ITGA1: variants seen among roughly 807,000 people sequenced by gnomAD.
ITGA1 encodes the protein integrin alpha-1.
In ITGA1, 85 loss-of-function variants were observed where a neutral mutation model predicts 145.9. The ratio of observed to expected loss-of-function variants is 0.58; its 90% CI spans 0.49 to 0.70. The LOEUF (loss-of-function observed/expected upper bound fraction) is 0.70, where lower values mean the gene tolerates loss of function less well. Among genes scored for constraint, ITGA1 ranks in the 30% least tolerant of loss-of-function variants. ITGA1 has a pLI of 0.00. For synonymous variants in ITGA1, 520 were observed against 495.3 expected (o/e 1.05, Z -0.66); for missense variants, 1,351 against 1,418.7 (o/e 0.95, Z 0.77).
chr5:52,801,219 C>G, intron 1 of ITGA1: 2 of 1,273,624 alleles, frequency 1.6e-6, no homozygotes, highest in Non-Finnish European at 2.2e-6. Context: ...AAGAGAAAGT[C>G]TTTACTTAGC....
At chr5:52,800,247 A>C (rs1748435538) in intron 1 of ITGA1, 1 of 738,726 alleles carries the variant, frequency 1.4e-6, no homozygotes, top group Non-Finnish European at 2.2e-6. Context: ...CATGAGTCGA[A>C]GCAAGCGTGT....
chr5:52,811,869 G>A (rs1371668442), intron 1 of ITGA1, among the ~76,000 whole-genome samples: 3 of 152,168 alleles, frequency 2.0e-5, no homozygotes, highest in Non-Finnish European at 4.4e-5. Flanking sequence ...CATTTGGCTA[G>A]AGGTTTCTCA....
At position 52,937,303 on chromosome 5, in the gene ITGA1, A is replaced by G. The variant is rs980486529; in HGVS notation, c.2965-98A>G. ...TTTGTTTGGGGATTCAAAATATTAC[A>G]CAATTTACTTCATCAGCTAGAAAAC... On this transcript the variant is annotated intron_variant, in intron 23 of 28. Transcript: ENST00000282588. 1.8e-5 allele frequency: 14 copies of G among 780,766 alleles called. 1 individual carries two copies. In the South Asian group the frequency reaches 2.1e-4, roughly 12 times the overall value. The allele number at this position is 780,766 out of a possible 1,614,324, so 48.4% of individuals were successfully genotyped here. A position where few individuals can be genotyped will look rare whatever the true frequency, so the allele number is the denominator to read the frequency against.
intron 1 of ITGA1, among the ~76,000 whole-genome samples, chr5:52,815,097 G>C (rs915052015): frequency 1.3e-5 from 2 of 152,178 alleles, no homozygotes; most frequent in African/African-American, 4.8e-5. Flanking sequence ...AAGTATGGAA[G>C]AGGAGGAGAA....
At chr5:52,810,974 G>T (rs1748675956) in intron 1 of ITGA1, among the ~76,000 whole-genome samples, 1 of 152,104 alleles carries the variant, frequency 6.6e-6, no homozygotes, top group Non-Finnish European at 1.5e-5. Flanking sequence ...TGTTCTTCTG[G>T]ATGAATTAGA....
chr5:52,876,857 C>G (rs1222423879), intron 6 of ITGA1, among the ~76,000 whole-genome samples: 1 of 152,100 alleles, frequency 6.6e-6, no homozygotes, highest in Non-Finnish European at 1.5e-5. Context: ...TATGGGCTAT[C>G]CTGGCAACAA....
chr5:52,853,058 GTGTAAGTT>G (rs910125977), intron 2 of ITGA1, among the ~76,000 whole-genome samples: 214 of 152,260 alleles, frequency 1.4e-3, no homozygotes, highest in African/African-American at 5.0e-3. Flanking sequence ...ATTAATATGT[GTGTAAGTT>G]TGTAAGCATT....
rs141038217 is a variant in ITGA1 at position 52,837,308 on chromosome 5, G to A, written c.62-12057G>A. Among the ~76,000 whole-genome samples the A allele has an allele frequency of 3.0e-4, 45 of 152,272 alleles. No homozygotes were observed. The East Asian group carries it at 4.3e-3, about 14-fold the overall frequency. ...GTTCTAAAAGAAAATGAGAAAGAGA[G>A]GATGGGGCTGGCCACACAGTGTCTC... is the stretch of plus-strand genomic sequence containing the variant. On this transcript the variant is annotated intron_variant, in intron 1 of 28. Transcript: ENST00000282588.
chr5:52,937,487 G>T lies in ITGA1; in HGVS notation c.3051G>T (p.Leu1017=), dbSNP rs775711684. 6.2e-7 allele frequency: 1 copy of T among 1,610,420 alleles called. No individual in the cohort carries two copies. Among genetic ancestry groups the T allele is most frequent in the Non-Finnish European group, 8.5e-7 (1 of 1,176,764 alleles). ...PNMTSNGYPV[L]YPTGLSSSEN... is the part of the protein sequence containing the mutation. ...TGACATCAAATGGTTACCCTGTGCT[G>T]TACCCAACTGGATTGTCATCTTCTG... The change falls in exon 24 of 29, where the codon CTG becomes CTT. Residue 1017 remains leucine, a synonymous_variant. Transcript: ENST00000282588.
chr5:52,808,676 C>CTTTTTTTT (rs60113844), intron 1 of ITGA1, among the ~76,000 whole-genome samples: 271 of 69,328 alleles, frequency 3.9e-3, no homozygotes, highest in East Asian at 5.5e-3. Context: ...TTCTTTCTTT[C>CTTTTTTTT]TTTTTTTTTT....
At chr5:52,886,946 T>C (rs941924205) in intron 7 of ITGA1, among the ~76,000 whole-genome samples, 15 of 152,264 alleles carry the variant, frequency 9.9e-5, no homozygotes, top group African/African-American at 3.6e-4. Context: ...ACCCGGCTAA[T>C]TTTTTGTATT....
At chr5:52,802,230 G>GTAAATAAAGAAATA (rs1748504164) in intron 1 of ITGA1, 1 of 159,086 alleles carries the variant, frequency 6.3e-6, no homozygotes, top group Non-Finnish European at 1.4e-5. Flanking sequence ...ATCTTATCCT[G>GTAAATAAAGAAATA]TTTACATTAT....
intron 6 of ITGA1, among the ~76,000 whole-genome samples, chr5:52,872,881 T>C (rs2447858): frequency 0.12 from 18,017 of 152,142 alleles, 1,197 homozygotes; most frequent in East Asian, 0.22. Context: ...CTTCCTCTCC[T>C]ATGTTCCCAT....
chr5:52,919,703 T>C (rs1393358393), intron 16 of ITGA1, among the ~76,000 whole-genome samples: 2 of 152,222 alleles, frequency 1.3e-5, no homozygotes, highest in Non-Finnish European at 2.9e-5. Context: ...TTTTGAGTTT[T>C]ATATGTAACT....
At chr5:52,793,034 T>C (rs1371094143) in intron 1 of ITGA1, among the ~76,000 whole-genome samples, 1 of 152,088 alleles carries the variant, frequency 6.6e-6, no homozygotes, top group Admixed American at 6.5e-5. Flanking sequence ...GCATAAGTAG[T>C]TACTCCCACT....
intron 15 of ITGA1, among the ~76,000 whole-genome samples, chr5:52,917,883 T>C (rs77451999): frequency 0.021 from 3,146 of 152,274 alleles, 133 homozygotes; most frequent in African/African-American, 0.072. Context: ...GAAAACCACC[T>C]TTTTTTAATG....
chr5:52,801,568 C>T, intron 1 of ITGA1: 1 of 1,614,142 alleles, frequency 6.2e-7, no homozygotes, highest in East Asian at 2.2e-5. Flanking sequence ...TTTCTATGGA[C>T]TCAAGCAGGT....
intron 1 of ITGA1, among the ~76,000 whole-genome samples, chr5:52,807,413 C>CA (rs11389153): frequency 0.51 from 77,005 of 151,256 alleles, 20,336 homozygotes; most frequent in African/African-American, 0.65. Context: ...TTTTCTGATG[C>CA]AAAAAAAATG....
At chr5:52,912,217 A>G (rs535498702) in intron 14 of ITGA1, among the ~76,000 whole-genome samples, 2 of 143,998 alleles carry the variant, frequency 1.4e-5, no homozygotes, top group African/African-American at 5.0e-5. Flanking sequence ...TATAGATATG[A>G]TATATATACT....
Sources: allele counts gnomAD v4.1 joint callset (sites outside exome capture counted in the v4.1 genomes callset), GRCh38; gene constraint gnomAD v4.1.1; transcripts MANE v1.5; gene names NCBI Gene and HGNC (gene_info 2026-07-23, HGNC 2026-07-21).